SERPINB1: variants seen among roughly 807,000 people sequenced by gnomAD.
The protein encoded by SERPINB1 is serpin family B member 1, also known as leukocyte elastase inhibitor.
SERPINB1 carries 23 observed loss-of-function variants against 25.9 expected under a neutral mutation model. That is an observed-to-expected ratio of 0.89 (90% confidence interval 0.64 to 1.26). The LOEUF (loss-of-function observed/expected upper bound fraction) is 1.26. Among genes scored for constraint, SERPINB1 ranks in the 50% most tolerant of loss-of-function variants. SERPINB1 has a pLI of 0.00. For missense variants in SERPINB1, 399 were observed against 463.6 expected (o/e 0.86, Z 1.28); for synonymous variants, 178 against 178.7 (o/e 1.00, Z 0.03).
chr6:2,838,219 G>C (rs1766550816), intron 3 of SERPINB1, among the ~76,000 whole-genome samples: 1 of 152,084 alleles, frequency 6.6e-6, no homozygotes, highest in Non-Finnish European at 1.5e-5. Flanking sequence ...GTAGTGGTAA[G>C]CCTAACCCTT....
In SERPINB1 at chr6:2,833,543, C is replaced by T. The variant is rs1002138604; in HGVS notation, c.*65G>A. On this transcript the variant is annotated 3_prime_UTR_variant, in exon 7 of 7. Transcript: ENST00000380739. ...TTGGTAAAGATATAAGACATATTGG[C>T]TCTATTAAAAACTCAGGTAATAAAG... The T allele has an allele frequency of 7.2e-6, 10 of 1,385,452 alleles. No individual in the cohort carries two copies. The highest frequency in any genetic ancestry group is 2.0e-4 in the Middle Eastern group (1 of 4,928). The allele number at this position is 1,385,452 out of a possible 1,614,324, so 85.8% of individuals were successfully genotyped here.
chr6:2,835,649 C>T (rs141702853), intron 6 of SERPINB1, among the ~76,000 whole-genome samples: 9 of 152,128 alleles, frequency 5.9e-5, no homozygotes, highest in Admixed American at 5.2e-4. Flanking sequence ...CCAGCCTAAA[C>T]AACATAGTGA....
intron 1 of SERPINB1, 112 bp from the exon 2 acceptor site, chr6:2,840,706 G>T: frequency 2.0e-6 from 2 of 1,003,794 alleles, no homozygotes; most frequent in Non-Finnish European, 2.9e-6. Flanking sequence ...GAGGCATCCT[G>T]GATCTTGTAC....
chr6:2,836,065 C>A (rs777150937), intron 5 of SERPINB1, 42 bp from the exon 6 acceptor site: 21 of 1,613,464 alleles, frequency 1.3e-5, no homozygotes, highest in East Asian at 2.2e-5. Context: ...TCTCTGCATT[C>A]TTTTAGAGCA....
At chr6:2,836,414 C>T (rs1332437213) in intron 4 of SERPINB1, among the ~76,000 whole-genome samples, 164 bp from the exon 5 acceptor site, 1 of 152,168 alleles carries the variant, frequency 6.6e-6, no homozygotes, top group Non-Finnish European at 1.5e-5. Flanking sequence ...CATGTCTCTA[C>T]TTTAAGTATA....
intron 2 of SERPINB1, 100 bp downstream of exon 2, chr6:2,840,319 A>G: frequency 1.4e-6 from 2 of 1,402,684 alleles, no homozygotes; most frequent in Non-Finnish European, 2.0e-6. Context: ...ACAGTTCTGA[A>G]AACACAAGGT....
Position 2,838,620 on chromosome 6 carries a change from T to C in SERPINB1, c.235A>G (p.Lys79Glu), listed in dbSNP as rs762224614. 2.8e-5 allele frequency: 45 copies of C among 1,610,896 alleles called. No individual in the cohort carries two copies. Among genetic ancestry groups the C allele is most frequent in the East Asian group, 2.2e-5 (1 of 44,736 alleles). The change falls in exon 3 of 7, where the codon AAA becomes GAA. Residue 79 changes from lysine to glutamate, a missense_variant. Lys to Glu is a moderately conservative substitution (Grantham distance 56). Coordinates refer to ENST00000380739, the MANE Select transcript of SERPINB1 (RefSeq NM_030666.4). Reference protein sequence around the residue: ...RFQSLNADINKRGASYILKLA... With the variant: ...RFQSLNADINERGASYILKLA... ...TTCAGAATATAAGACGCTCCACGTTTGTTGATATCAGCATTCAGACTCTGG... is the reference window on the plus strand; with the variant it reads ...TTCAGAATATAAGACGCTCCACGTTCGTTGATATCAGCATTCAGACTCTGG...
chr6:2,836,927 G>A (rs775199667), intron 4 of SERPINB1, among the ~76,000 whole-genome samples: 21 of 152,294 alleles, frequency 1.4e-4, no homozygotes, highest in South Asian at 6.2e-4. Context: ...GGTCACCTTC[G>A]TGACCATAAG....
Position 2,836,244 on chromosome 6 carries a change from A to G in SERPINB1, c.431T>C (p.Ile144Thr). 6.3e-7 allele frequency: 1 copy of G among 1,584,352 alleles called. No homozygotes were observed. The highest frequency in any genetic ancestry group is 8.5e-7 in the Non-Finnish European group (1 of 1,170,608). The change falls in exon 5 of 7, where the codon ATT (isoleucine) becomes ACT (threonine). Residue 144 changes from isoleucine (I) to threonine (T), a missense_variant. By Grantham distance (89) the Ile-to-Thr change is moderately conservative. Transcript: ENST00000380739. ...CATGCCCGAAGCCAACAGTTCCGGA[A>G]TTTTTCCTAAAAAAAAATCAAGTTA... ...QWVKGQTEGK[I>T]PELLASGMVD...
At chr6:2,838,422 T>C in intron 3 of SERPINB1, 127 bp downstream of exon 3, 2 of 871,938 alleles carry the variant, frequency 2.3e-6, no homozygotes, top group Non-Finnish European at 3.2e-6. Flanking sequence ...GTTTTTGCCA[T>C]GTTTGCCTTC....
chr6:2,832,716 A>AGAATCACTT lies in SERPINB1; in HGVS notation c.*883_*891dup. 1 of 152,508 alleles carries AGAATCACTT rather than the reference A, an allele frequency of 6.6e-6. No individual in the cohort carries two copies. Among genetic ancestry groups the AGAATCACTT allele is most frequent in the Non-Finnish European group, 1.5e-5 (1 of 68,392 alleles). The allele number at this position is 152,508 out of a possible 1,614,324, so 9.4% of individuals were successfully genotyped here. A position where few individuals can be genotyped will look rare whatever the true frequency, so the allele number is the denominator to read the frequency against. ...CAGCTACTCAGGAGGCTGAAGCAAG[A>AGAATCACTT]GAATCACTTGAACCCAGGAGGCAGA... On this transcript the variant is annotated 3_prime_UTR_variant, in exon 7 of 7. Transcript: ENST00000380739.
At chr6:2,840,624 C>A in intron 1 of SERPINB1, 30 bp from the exon 2 acceptor site, 1 of 1,566,146 alleles carries the variant, frequency 6.4e-7, no homozygotes, top group South Asian at 1.2e-5. Context: ...CCTCATGGTG[C>A]CCACTGCCCA....
At chr6:2,838,400 G>T in intron 3 of SERPINB1, 149 bp downstream of exon 3, 1 of 635,146 alleles carries the variant, frequency 1.6e-6, no homozygotes. Context: ...TGTCGTGTTT[G>T]CCTTCCATAT....
At position 2,841,798 on chromosome 6, in the gene SERPINB1, A is replaced by T. The variant is rs1290616857; in HGVS notation, c.-9+14T>A. The T allele has an allele frequency of 1.3e-5, 2 of 152,296 alleles. No homozygotes were observed. The highest frequency in any genetic ancestry group is 2.4e-5 in the African/African-American group (1 of 41,354). The allele number at this position is 152,296 out of a possible 1,614,324, so 9.4% of individuals were successfully genotyped here. A position where few individuals can be genotyped will look rare whatever the true frequency, so the allele number is the denominator to read the frequency against. ...CGCCCGCCCCCGCGCCACCGCTCCG[A>T]GGCCCGGCCTTACCCGACAGGCCGC... is the stretch of plus-strand genomic sequence containing the variant. On this transcript the variant is annotated intron_variant, in intron 1 of 6. Transcript: ENST00000380739. The surrounding 1 kb of genome is among the most constrained non-coding windows in gnomAD (Gnocchi z 4.5).
rs1223614370 is a variant in SERPINB1 at position 2,839,537 on chromosome 6, A to G, written c.169-851T>C. ...AATGGATTTAAAAAAAACATTTAAAATGCTTTCATATCTAAAGTGATGAGT... is the reference window on the plus strand; with the variant it reads ...AATGGATTTAAAAAAAACATTTAAAGTGCTTTCATATCTAAAGTGATGAGT... On this transcript the variant is annotated intron_variant, in intron 2 of 6. Coordinates refer to ENST00000380739, the MANE Select transcript of SERPINB1 (RefSeq NM_030666.4). 3 of 946,056 alleles carry G rather than the reference A, an allele frequency of 3.2e-6. No individual in the cohort carries two copies. The African/African-American group carries it at 5.3e-5, about 17-fold the overall frequency. The allele number at this position is 946,056 out of a possible 1,614,324, so 58.6% of individuals were successfully genotyped here.
chr6:2,833,468 A>G lies in SERPINB1; in HGVS notation c.*140T>C, dbSNP rs1766397802. ...ATTCATGGGTGTAAACAGCCAACAG[A>G]GCCAAACTTACAAAGAAAATGAAAG... On this transcript the variant is annotated 3_prime_UTR_variant, in exon 7 of 7. Coordinates refer to ENST00000380739, the MANE Select transcript of SERPINB1 (RefSeq NM_030666.4). 1.2e-6 allele frequency: 1 copy of G among 862,024 alleles called. No homozygotes were observed. Among genetic ancestry groups the G allele is most frequent in the Non-Finnish European group, 1.7e-6 (1 of 593,718 alleles). 53.4% of individuals were successfully genotyped at this position (862,024 alleles called of 1,614,324 possible).
Position 2,833,836 on chromosome 6 carries a change from C to G in SERPINB1, c.912G>C (p.Leu304=). ...TATCTCTGGCTCCTGACATGCCAGA[C>G]AGATCAGCCTTGCTACTGTTAAAGA... is the stretch of plus-strand genomic sequence containing the variant. ...QDLFNSSKAD[L]SGMSGARDIF... is the part of the protein sequence containing the mutation. The change falls in exon 7 of 7, where the codon CTG becomes CTC. Residue 304 remains leucine (L), a synonymous_variant. Transcript: ENST00000380739. 6.2e-7 allele frequency: 1 copy of G among 1,614,172 alleles called. No homozygotes were observed. The highest frequency in any genetic ancestry group is 8.5e-7 in the Non-Finnish European group (1 of 1,180,018).
At position 2,833,727 on chromosome 6, in the gene SERPINB1, C is replaced by A; in HGVS notation, c.1021G>T (p.Ala341Ser). ...TCGGGCATCAACATGCAGAAAGTTG[C>A]GATGCCTGCTGTGGCAGCTGCCGCC... ...TEAAAATAGI[A>S]TFCMLMPEEN... Residue 341 changes from alanine (A) to serine (S), a missense_variant, in exon 7 of 7, where the codon GCA becomes TCA. Transcript: ENST00000380739. The A allele has an allele frequency of 6.2e-7, 1 of 1,614,164 alleles. No individual in the cohort carries two copies. The highest frequency in any genetic ancestry group is 8.5e-7 in the Non-Finnish European group (1 of 1,180,034).
chr6:2,835,891 C>T lies in SERPINB1; in HGVS notation c.700G>A (p.Asp234Asn). Residue 234 changes from aspartate to asparagine, a missense_variant, in exon 6 of 7, where the codon GAT (aspartate) becomes AAT (asparagine). Transcript: ENST00000380739. ...EELSMVILLP[D>N]DIEDESTGLK... ...CCCGTGGACTCGTCCTCAATGTCAT[C>T]CGGCAGCAGGATGACCATGCTGAGC... The T allele has an allele frequency of 6.2e-7, 1 of 1,614,116 alleles. No individual in the cohort carries two copies. The highest frequency in any genetic ancestry group is 8.5e-7 in the Non-Finnish European group (1 of 1,180,026).
Sources: allele counts gnomAD v4.1 joint callset (sites outside exome capture counted in the v4.1 genomes callset), GRCh38; gene constraint gnomAD v4.1.1; non-coding constraint Gnocchi (gnomAD v3.1); transcripts MANE v1.5; gene names NCBI Gene and HGNC (gene_info 2026-07-23, HGNC 2026-07-21).